PTCH2: variants seen among roughly 807,000 people sequenced by gnomAD.
The protein encoded by PTCH2 is patched 2.
A neutral mutation model predicts 117.9 loss-of-function variants in PTCH2; 96 were observed. That is an observed-to-expected ratio of 0.81 (90% confidence interval 0.69 to 0.96). The LOEUF is 0.96. Ranked by LOEUF, PTCH2 falls within the 50% of genes least tolerant of loss-of-function variation. The probability of loss-of-function intolerance (pLI) is 0.00; values close to 1 mark genes in which losing one functional copy is unlikely to be tolerated. For synonymous variants in PTCH2, 615 were observed against 660.9 expected (o/e 0.93, Z 1.06); for missense variants, 1,379 against 1,562.5 (o/e 0.88, Z 1.98).
Position 44,829,405 on chromosome 1 carries a change from G to A in PTCH2, c.1212C>T (p.Leu404=). The A allele has an allele frequency of 6.2e-7, 1 of 1,614,188 alleles. No individual in the cohort carries two copies. The highest frequency in any genetic ancestry group is 2.2e-5 in the East Asian group (1 of 44,884). The part of the protein sequence containing the change: ...SAARVVGGYL[L]MLAYACVTML... Reference sequence around the variant, plus strand: ...AGGTGCCAGGTGCAAGACCCACCATGAGCAGATAGCCTCCCACCACACGGG... The same window carrying A: ...AGGTGCCAGGTGCAAGACCCACCATAAGCAGATAGCCTCCCACCACACGGG... Residue 404 remains leucine (L), a synonymous_variant, in exon 9 of 22, where the codon CTC becomes CTT. Transcript: ENST00000372192.
rs1352227711 is a variant in PTCH2, at chr1:44,843,105, G to A, written c.-173C>T. The A allele has an allele frequency of 4.4e-6, 6 of 1,356,606 alleles. No homozygotes were observed. Among genetic ancestry groups the A allele is most frequent in the Non-Finnish European group, 5.7e-6 (6 of 1,057,422 alleles). 84.0% of individuals were successfully genotyped at this position (1,356,606 alleles called of 1,614,324 possible). A position where few individuals can be genotyped will look rare whatever the true frequency, so the allele number is the denominator to read the frequency against. On this transcript the variant is annotated 5_prime_UTR_variant, in exon 1 of 22. Coordinates refer to ENST00000372192, the MANE Select transcript of PTCH2 (RefSeq NM_003738.5). ...GGGTGTTAAAGCGGCTGGGAGGGAG[G>A]AGTGCAGGGAGCTGCGGGTCCGGGG...
chr1:44,827,363 C>T, intron 15 of PTCH2, 39 bp downstream of exon 15: 1 of 1,613,530 alleles, frequency 6.2e-7, no homozygotes, highest in Non-Finnish European at 8.5e-7. Flanking sequence ...GGCGTTTCTC[C>T]CTGCAGCACC....
chr1:44,843,112 G>T lies in PTCH2; in HGVS notation c.-180C>A. On this transcript the variant is annotated 5_prime_UTR_variant, in exon 1 of 22. In the 5' UTR this introduces an upstream ATG that the reference lacks. Coordinates refer to ENST00000372192, the MANE Select transcript of PTCH2 (RefSeq NM_003738.5). ...AAAGCGGCTGGGAGGGAGGAGTGCA[G>T]GGAGCTGCGGGTCCGGGGCGCGGCG... 1.5e-6 allele frequency: 2 copies of T among 1,342,264 alleles called. No individual in the cohort carries two copies. 83.1% of individuals were successfully genotyped at this position (1,342,264 alleles called of 1,614,324 possible).
chr1:44,826,266 G>A lies in PTCH2; in HGVS notation c.3098C>T (p.Thr1033Ile), dbSNP rs2148873687. ...VASVGIGVEF[T>I]VHVALGFLTT... ...CGTGCTCACCAGAGCCACGTGGACT[G>A]TGAACTCAACGCCAATGCCTACAGA... Residue 1033 changes from threonine to isoleucine, a missense_variant, in exon 19 of 22, where the codon ACA (threonine) becomes ATA (isoleucine). Coordinates refer to ENST00000372192, the MANE Select transcript of PTCH2 (RefSeq NM_003738.5). This position sits in a 1 kb window ranked among gnomAD's most constrained non-coding sequence, Gnocchi z 5.1. 2 of 1,614,120 alleles carry A rather than the reference G, an allele frequency of 1.2e-6. No homozygotes were observed. The highest frequency in any genetic ancestry group is 1.7e-6 in the Non-Finnish European group (2 of 1,180,036).
In PTCH2 at chr1:44,832,709, A is replaced by AGTCCCTCTCT. The variant is rs1653512750; in HGVS notation, c.266-378_266-369dup. Among the ~76,000 whole-genome samples the AGTCCCTCTCT allele has an allele frequency of 2.0e-5, 3 of 152,304 alleles. No homozygotes were observed. In the South Asian group the frequency reaches 6.2e-4, roughly 32 times the overall value. On this transcript the variant is annotated intron_variant, in intron 2 of 21. Transcript: ENST00000372192. The stretch of plus-strand genomic sequence containing the variant: ...CATCTTGGTAAGGGAACCCTCGCTC[A>AGTCCCTCTCT]GTCCCTCTCTGTTCTGGTGGGGAGG...
chr1:44,822,766 G>T, intron 21 of PTCH2, 97 bp from the exon 22 acceptor site: 9 of 1,353,070 alleles, frequency 6.7e-6, no homozygotes, highest in Non-Finnish European at 9.5e-6. Flanking sequence ...TTGGGAAGCT[G>T]GGGCCCTTGT....
intron 11 of PTCH2, 56 bp from the exon 12 acceptor site, chr1:44,828,687 A>G (rs1653281386): frequency 5.1e-6 from 8 of 1,584,006 alleles, no homozygotes; most frequent in South Asian, 1.1e-5. Context: ...GCCGTGTCAA[A>G]GTGGAGTGAA....
intron 2 of PTCH2, among the ~76,000 whole-genome samples, chr1:44,832,645 T>C (rs1174346451): frequency 6.6e-6 from 1 of 152,122 alleles, no homozygotes; most frequent in African/African-American, 2.4e-5. Flanking sequence ...AAAATGACAA[T>C]CAGCATGAGC....
At chr1:44,840,418 G>T (rs1158873559) in intron 2 of PTCH2, among the ~76,000 whole-genome samples, 1 of 142,554 alleles carries the variant, frequency 7.0e-6, no homozygotes, top group Non-Finnish European at 1.5e-5. Context: ...TTATTAATGA[G>T]AAATCATTCT....
Position 44,822,345 on chromosome 1 carries a change from A to G in PTCH2, c.*70T>C. 1 of 1,608,620 alleles carries G rather than the reference A, an allele frequency of 6.2e-7. No individual in the cohort carries two copies. Among genetic ancestry groups the G allele is most frequent in the South Asian group, 1.1e-5 (1 of 91,070 alleles). ...CCCTCCAGGGGTCCATCCTGCGTCT[A>G]ACACCAGACCCAGTGCTTCCCAGTG... On this transcript the variant is annotated 3_prime_UTR_variant, in exon 22 of 22. Transcript: ENST00000372192.
At chr1:44,842,272 TCC>T (rs1409384037) in intron 1 of PTCH2, among the ~76,000 whole-genome samples, 4 of 126,030 alleles carry the variant, frequency 3.2e-5, no homozygotes, top group Admixed American at 8.5e-5. Context: ...TTGTTTTCTC[TCC>T]TTTTTTTTTT....
chr1:44,820,391 G>T, downstream of PTCH2: 1 of 617,176 alleles, frequency 1.6e-6, no homozygotes, highest in Non-Finnish European at 3.0e-6. Flanking sequence ...CTGTCCCGCC[G>T]TCCTTACCCG....
In PTCH2 at chr1:44,823,086, G is replaced by A. The variant is rs372274925; in HGVS notation, c.3340C>T (p.Leu1114=). 84 of 1,613,632 alleles carry A rather than the reference G, an allele frequency of 5.2e-5. 1 individual carries two copies. The African/African-American group carries it at 8.9e-4, about 17-fold the overall frequency. ...GTGGTCACCTCTGGCGGCGGGCCCAGGATGGACAGCAGCACAGGCAGCAGC... is the reference window on the plus strand; with the variant it reads ...GTGGTCACCTCTGGCGGCGGGCCCAAGATGGACAGCAGCACAGGCAGCAGC... The part of the protein sequence containing the change: ...LVLLPVLLSI[L]GPPPEVIQMY... Residue 1114 remains leucine, a synonymous_variant, in exon 21 of 22, where the codon CTG becomes TTG. Transcript: ENST00000372192. The surrounding 1 kb of genome is among the most constrained non-coding windows in gnomAD (Gnocchi z 5.1).
At chr1:44,837,055 A>T (rs1279421177) in intron 2 of PTCH2, among the ~76,000 whole-genome samples, 1 of 152,214 alleles carries the variant, frequency 6.6e-6, no homozygotes, top group Non-Finnish European at 1.5e-5. Flanking sequence ...AAAAGTCCAG[A>T]ATGTTGAAGA....
intron 6 of PTCH2, among the ~76,000 whole-genome samples, chr1:44,830,580 T>G (rs1436425881): frequency 1.9e-4 from 10 of 51,746 alleles, no homozygotes; most frequent in African/African-American, 3.3e-4. Flanking sequence ...GGTGACAGAG[T>G]GAGACTCAAA....
chr1:44,842,969 G>T lies in PTCH2; in HGVS notation c.-37C>A. ...TGGGGGGCGCGGGCGCCCCCAACCC[G>T]CGTTATCTGGGCGCTCCCATAGGCT... On this transcript the variant is annotated 5_prime_UTR_variant, in exon 1 of 22. Coordinates refer to ENST00000372192, the MANE Select transcript of PTCH2 (RefSeq NM_003738.5). 6.6e-7 allele frequency: 1 copy of T among 1,516,140 alleles called. No homozygotes were observed. The highest frequency in any genetic ancestry group is 8.8e-7 in the Non-Finnish European group (1 of 1,133,970). 93.9% of individuals were successfully genotyped at this position (1,516,140 alleles called of 1,614,324 possible).
Position 44,842,954 on chromosome 1 carries a change from G to C in PTCH2, c.-22C>G. 6.5e-7 allele frequency: 1 copy of C among 1,528,518 alleles called. No homozygotes were observed. The highest frequency in any genetic ancestry group is 1.2e-5 in the South Asian group (1 of 81,458). The allele number at this position is 1,528,518 out of a possible 1,614,324, so 94.7% of individuals were successfully genotyped here. ...TCATGCTGGCGGGGATGGGGGGCGC[G>C]GGCGCCCCCAACCCGCGTTATCTGG... On this transcript the variant is annotated 5_prime_UTR_variant, in exon 1 of 22. Coordinates refer to ENST00000372192, the MANE Select transcript of PTCH2 (RefSeq NM_003738.5).
In PTCH2 at chr1:44,823,682, T is replaced by TA. The variant is rs1182397473; in HGVS notation, c.3115-298dup. ...GCCCGGGCACGGTGGCTCATGCCTG[T>TA]AATCCCAGCACTTTGGGAGGCTGAG... On this transcript the variant is annotated intron_variant, in intron 19 of 21. Coordinates refer to ENST00000372192, the MANE Select transcript of PTCH2 (RefSeq NM_003738.5). The surrounding 1 kb of genome is among the most constrained non-coding windows in gnomAD (Gnocchi z 5.1). 3.3e-5 allele frequency among the ~76,000 whole-genome samples: 5 copies of TA among 151,858 alleles called. No homozygotes were observed. Among genetic ancestry groups the TA allele is most frequent in the Admixed American group, 3.3e-4 (5 of 15,250 alleles).
At chr1:44,832,556 T>C (rs949877545) in intron 2 of PTCH2, among the ~76,000 whole-genome samples, 4 of 152,144 alleles carry the variant, frequency 2.6e-5, no homozygotes, top group Non-Finnish European at 4.4e-5. Context: ...GAAGCCTCGG[T>C]TGTGTGGCTC....
Sources: allele counts gnomAD v4.1 joint callset (sites outside exome capture counted in the v4.1 genomes callset), GRCh38; gene constraint gnomAD v4.1.1; non-coding constraint Gnocchi (gnomAD v3.1); transcripts MANE v1.5; gene names NCBI Gene and HGNC (gene_info 2026-07-23, HGNC 2026-07-21).